Variants in SCIN observed in about 807,000 individuals in gnomAD.
SCIN encodes scinderin.
SCIN carries 91 observed loss-of-function variants against 91.8 expected under a neutral mutation model. The observed-to-expected ratio is 0.99, with a 90% CI of 0.84 to 1.18. SCIN has a LOEUF of 1.18. SCIN is among the 50% of genes most tolerant of loss of function. SCIN has a pLI of 0.00. For missense variants in SCIN, 1,087 were observed against 863.9 expected, an observed-to-expected ratio of 1.26 and a Z score of -3.24; for synonymous variants, 367 against 312.6, an observed-to-expected ratio of 1.17 and a Z score of -1.84.
chr7:12,598,915 A>G (rs1398768539), intron 3 of SCIN, among the ~76,000 whole-genome samples: 1 of 152,158 alleles, frequency 6.6e-6, no homozygotes, highest in Non-Finnish European at 1.5e-5. Flanking sequence ...CTCAAAAAAA[A>G]AGAGAGAGAG....
chr7:12,659,306 T>C lies in SCIN; in HGVS notation c.*6591T>C, dbSNP rs1001701526. ...TTTACCACCCATTTGTCTATGGACT[T>C]AATCTATGTCTCTATGAGCTGGTAA... On this transcript the variant is annotated 3_prime_UTR_variant, in exon 16 of 16. Coordinates refer to ENST00000297029, the MANE Select transcript of SCIN (RefSeq NM_001112706.3). 2 of 152,232 alleles carry C rather than the reference T, an allele frequency of 1.3e-5. No individual in the cohort carries two copies. Among genetic ancestry groups the C allele is most frequent in the East Asian group, 3.9e-4 (2 of 5,190 alleles). 9.4% of individuals were successfully genotyped at this position (152,232 alleles called of 1,614,324 possible).
intron 5 of SCIN, 121 bp from the exon 6 acceptor site, chr7:12,624,889 A>T: frequency 1.1e-6 from 1 of 929,352 alleles, no homozygotes; most frequent in Non-Finnish European, 1.5e-6. Flanking sequence ...TTTAAAGTGT[A>T]CAATTCAATG....
intron 9 of SCIN, among the ~76,000 whole-genome samples, chr7:12,635,127 G>A (rs1434943502): frequency 3.3e-5 from 5 of 150,700 alleles, no homozygotes; most frequent in African/African-American, 7.3e-5. Flanking sequence ...CCAAGTTCAC[G>A]CCACTGCCCT....
rs1784176329 is a variant in SCIN at position 12,657,124 on chromosome 7, TAC to T, written c.*4413_*4414del. ...TTTGTATTTTCTACTAAAATGAACA[TAC>T]ACATATCCTATAATCCAGAAATCCC... On this transcript the variant is annotated 3_prime_UTR_variant, in exon 16 of 16. Transcript: ENST00000297029. 1 of 150,442 alleles carries T rather than the reference TAC, an allele frequency of 6.6e-6. No homozygotes were observed. Among genetic ancestry groups the T allele is most frequent in the Non-Finnish European group, 1.5e-5 (1 of 67,784 alleles). The allele number at this position is 150,442 out of a possible 1,614,324, so 9.3% of individuals were successfully genotyped here. A position where few individuals can be genotyped will look rare whatever the true frequency, so the allele number is the denominator to read the frequency against.
rs1483478833 is a variant in SCIN, at chr7:12,655,076, A to G, written c.*2361A>G. 1.3e-5 allele frequency: 2 copies of G among 152,196 alleles called. No homozygotes were observed. The highest frequency in any genetic ancestry group is 4.8e-5 in the African/African-American group (2 of 41,460). The allele number at this position is 152,196 out of a possible 1,614,324, so 9.4% of individuals were successfully genotyped here. A position where few individuals can be genotyped will look rare whatever the true frequency, so the allele number is the denominator to read the frequency against. On this transcript the variant is annotated 3_prime_UTR_variant, in exon 16 of 16. Coordinates refer to ENST00000297029, the MANE Select transcript of SCIN (RefSeq NM_001112706.3). ...ATCCTTGAATGCTCAAGTCCCTTAT[A>G]TAAAACGGCATAGTATTTGCATAAA...
chr7:12,611,284 TAAATTTACAG>T (rs1170466393), intron 4 of SCIN: 1 of 152,246 alleles, frequency 6.6e-6, no homozygotes, highest in Admixed American at 6.5e-5. Context: ...AAAGTTCTTT[TAAATTTACAG>T]AAATGAGTGA....
chr7:12,590,636 A>G (rs1782701314), intron 3 of SCIN, among the ~76,000 whole-genome samples: 1 of 151,806 alleles, frequency 6.6e-6, no homozygotes, highest in South Asian at 2.1e-4. Context: ...TGCTGGGATA[A>G]CAGGAAGGAG....
rs150795086 is a variant in SCIN at position 12,626,242 on chromosome 7, G to A, written c.982-342G>A. 1,049 of 311,464 alleles carry A rather than the reference G, an allele frequency of 3.4e-3. 12 individuals carry two copies. Among genetic ancestry groups the A allele is most frequent in the African/African-American group, 0.021 (951 of 45,880 alleles). The allele number at this position is 311,464 out of a possible 1,614,324, so 19.3% of individuals were successfully genotyped here. A position where few individuals can be genotyped will look rare whatever the true frequency, so the allele number is the denominator to read the frequency against. On this transcript the variant is annotated intron_variant, in intron 7 of 15. Coordinates refer to ENST00000297029, the MANE Select transcript of SCIN (RefSeq NM_001112706.3). ...CTGGCTAGTTACTCCTTTCCTTTCC[G>A]AATCTCTCAGCCTCATCTACTCTCC... is the stretch of plus-strand genomic sequence containing the variant.
chr7:12,613,391 G>A (rs538416904), intron 4 of SCIN, among the ~76,000 whole-genome samples: 3 of 152,042 alleles, frequency 2.0e-5, no homozygotes, highest in East Asian at 1.9e-4. Context: ...TATTTACTTC[G>A]TATCAGTTTC....
chr7:12,638,066 A>C (rs1365072208), intron 10 of SCIN, among the ~76,000 whole-genome samples: 2 of 152,098 alleles, frequency 1.3e-5, no homozygotes, highest in African/African-American at 4.8e-5. Context: ...TTTATGGTGG[A>C]GTATCTGCTA....
chr7:12,625,797 A>T lies in SCIN; in HGVS notation c.928A>T (p.Met310Leu), dbSNP rs374952024. 9 of 1,612,440 alleles carry T rather than the reference A, an allele frequency of 5.6e-6. No homozygotes were observed. Among genetic ancestry groups the T allele is most frequent in the Non-Finnish European group, 8.5e-7 (1 of 1,178,754 alleles). Residue 310 changes from methionine to leucine, a missense_variant, in exon 7 of 16, where the codon ATG (methionine) becomes TTG (leucine). Coordinates refer to ENST00000297029, the MANE Select transcript of SCIN (RefSeq NM_001112706.3). ...DANPQERKAA[M>L]KTAEEFLQQM... ...TAATCCCCAAGAGAGGAAGGCTGCA[A>T]TGAAGACAGCTGAAGAATTTCTACA...
intron 4 of SCIN, among the ~76,000 whole-genome samples, chr7:12,616,023 G>A (rs1783292587): frequency 6.6e-6 from 1 of 152,058 alleles, no homozygotes; most frequent in South Asian, 2.1e-4. Flanking sequence ...ACAGGGCAGT[G>A]AAAAAATACT....
intron 10 of SCIN, 96 bp downstream of exon 10, chr7:12,636,231 A>G (rs1422541536): frequency 6.1e-6 from 5 of 824,370 alleles, no homozygotes; most frequent in Non-Finnish European, 9.7e-6. Context: ...TAGAAATTTG[A>G]CATTTTCTTG....
Position 12,655,385 on chromosome 7 carries a change from T to C in SCIN, c.*2670T>C, listed in dbSNP as rs1255267982. 3 of 152,130 alleles carry C rather than the reference T, an allele frequency of 2.0e-5. No individual in the cohort carries two copies. The highest frequency in any genetic ancestry group is 7.2e-5 in the African/African-American group (3 of 41,432). The allele number at this position is 152,130 out of a possible 1,614,324, so 9.4% of individuals were successfully genotyped here. A position where few individuals can be genotyped will look rare whatever the true frequency, so the allele number is the denominator to read the frequency against. ...CTAATGTTATAGCTACTTAAGGAAT[T>C]CCTTTCACTGAAAAGAAACTCTTAC... On this transcript the variant is annotated 3_prime_UTR_variant, in exon 16 of 16. Transcript: ENST00000297029.
intron 9 of SCIN, among the ~76,000 whole-genome samples, chr7:12,633,985 C>T (rs1357424728): frequency 1.3e-5 from 2 of 150,352 alleles, no homozygotes; most frequent in East Asian, 3.9e-4. Context: ...TTTTTGCACC[C>T]CTCTGTAGAA....
At chr7:12,590,078 G>T (rs1355654137) in intron 3 of SCIN, among the ~76,000 whole-genome samples, 2 of 152,176 alleles carry the variant, frequency 1.3e-5, no homozygotes, top group African/African-American at 4.8e-5. Flanking sequence ...TGAGAAACCT[G>T]TTGAGTGATT....
At chr7:12,577,964 C>T (rs932966809) in intron 1 of SCIN, 100 bp from the exon 2 acceptor site, 4 of 1,028,048 alleles carry the variant, frequency 3.9e-6, no homozygotes, top group South Asian at 2.0e-5. Context: ...TGGATTGATA[C>T]ATAATTGAAA....
Position 12,578,119 on chromosome 7 carries a change from G to A in SCIN, c.255G>A (p.Met85Ile), listed in dbSNP as rs1022980565. The A allele has an allele frequency of 3.2e-6, 5 of 1,550,536 alleles. No homozygotes were observed. The highest frequency in any genetic ancestry group is 2.4e-5 in the South Asian group (2 of 83,862). ...CTGCTGCCATCTTCACTGTTCAGAT[G>A]GATGACTATTTGGGTGGCAAGCCAG... The part of the protein sequence containing the change: ...STAAAIFTVQ[M>I]DDYLGGKPVQ... Residue 85 changes from methionine to isoleucine, a missense_variant, in exon 2 of 16, where the codon ATG becomes ATA. Physicochemically the swap from Met to Ile is conservative, Grantham distance 10 (BLOSUM62 1). Transcript: ENST00000297029.
rs932541099 is a variant in SCIN at position 12,656,418 on chromosome 7, C to A, written c.*3703C>A. On this transcript the variant is annotated 3_prime_UTR_variant, in exon 16 of 16. Coordinates refer to ENST00000297029, the MANE Select transcript of SCIN (RefSeq NM_001112706.3). ...TAAACCTAATTTATTTATTTTAAAC[C>A]TAATTTATTTTAAACCTAATTTATT... 1 of 151,914 alleles carries A rather than the reference C, an allele frequency of 6.6e-6. No individual in the cohort carries two copies. Among genetic ancestry groups the A allele is most frequent in the Non-Finnish European group, 1.5e-5 (1 of 67,986 alleles). 9.4% of individuals were successfully genotyped at this position (151,914 alleles called of 1,614,324 possible).
Sources: allele counts gnomAD v4.1 joint callset (sites outside exome capture counted in the v4.1 genomes callset), GRCh38; gene constraint gnomAD v4.1.1; transcripts MANE v1.5; gene names NCBI Gene and HGNC (gene_info 2026-07-23, HGNC 2026-07-21).